DNAH11: variants seen among roughly 807,000 people sequenced by gnomAD.
The protein encoded by DNAH11 is dynein axonemal heavy chain 11.
Under a neutral mutation model 526.0 loss-of-function variants are expected in DNAH11, and 442 were observed. The ratio of observed to expected loss-of-function variants is 0.84; its 90% CI spans 0.78 to 0.91. The LOEUF (loss-of-function observed/expected upper bound fraction) is 0.91. DNAH11 is among the 40% of genes least tolerant of loss of function. The pLI is 0.00. For synonymous variants in DNAH11, 2,461 were observed against 1,935.9 expected, an observed-to-expected ratio of 1.27 and a Z score of -7.12; for missense variants, 6,989 against 5,448.7, an observed-to-expected ratio of 1.28 and a Z score of -8.90.
chr7:21,657,726 C>T (rs575754282), intron 29 of DNAH11, among the ~76,000 whole-genome samples: 2 of 152,112 alleles, frequency 1.3e-5, no homozygotes, highest in African/African-American at 2.4e-5. Flanking sequence ...TGACATAATT[C>T]GGTTAATCTG....
At chr7:21,716,167 C>T (rs572576282) in intron 42 of DNAH11, among the ~76,000 whole-genome samples, 7 of 152,140 alleles carry the variant, frequency 4.6e-5, no homozygotes, top group Admixed American at 4.6e-4. Flanking sequence ...CTGGAAGAAA[C>T]TTTGTTGGAA....
chr7:21,742,641 A>G (rs1487063783), intron 49 of DNAH11, among the ~76,000 whole-genome samples: 4 of 152,214 alleles, frequency 2.6e-5, no homozygotes, highest in African/African-American at 9.6e-5. Flanking sequence ...CATCCAAACC[A>G]TTACCATACT....
In DNAH11 at chr7:21,592,120, A is replaced by T. The variant is rs183471570; in HGVS notation, c.2667+543A>T. On this transcript the variant is annotated intron_variant, in intron 14 of 81. Coordinates refer to ENST00000409508, the MANE Select transcript of DNAH11 (RefSeq NM_001277115.2). Reference sequence around the variant, plus strand: ...CAGGAAAATAAAAGCAAACAACACAATGCTCCCCTGCCAACCACCACCAAA... The same window carrying T: ...CAGGAAAATAAAAGCAAACAACACATTGCTCCCCTGCCAACCACCACCAAA... 2.5e-3 allele frequency among the ~76,000 whole-genome samples: 388 copies of T among 152,232 alleles called. 1 individual carries two copies. Among genetic ancestry groups the T allele is most frequent in the African/African-American group, 9.0e-3 (374 of 41,540 alleles).
intron 61 of DNAH11, among the ~76,000 whole-genome samples, chr7:21,790,242 C>T (rs779087336): frequency 4.6e-5 from 7 of 151,954 alleles, no homozygotes; most frequent in African/African-American, 7.3e-5. Flanking sequence ...ATCAGGAGAT[C>T]GAGACCATCC....
At chr7:21,717,049 A>C (rs1784691664) in intron 42 of DNAH11, among the ~76,000 whole-genome samples, 1 of 152,058 alleles carries the variant, frequency 6.6e-6, no homozygotes, top group East Asian at 1.9e-4. Context: ...GAACTTTCTG[A>C]GGGATTATTT....
chr7:21,588,460 A>T, intron 10 of DNAH11, 52 bp from the exon 11 acceptor site: 1 of 1,605,516 alleles, frequency 6.2e-7, no homozygotes, highest in Non-Finnish European at 8.5e-7. Context: ...GTTGGAAACC[A>T]TTCTGACTAA....
chr7:21,623,388 C>A lies in DNAH11; in HGVS notation c.4500+3310C>A, dbSNP rs552401989. Among the ~76,000 whole-genome samples, 29 of 152,228 alleles carry A rather than the reference C, an allele frequency of 1.9e-4. No individual in the cohort carries two copies. In the South Asian group the frequency reaches 3.5e-3, roughly 19 times the overall value. ...GGTGGGACTGTAAACTAGTTCAACC[C>A]TTGTGGAAGTCAGTGTGGCAATTCC... is the stretch of plus-strand genomic sequence containing the variant. On this transcript the variant is annotated intron_variant, in intron 25 of 81. Coordinates refer to ENST00000409508, the MANE Select transcript of DNAH11 (RefSeq NM_001277115.2).
chr7:21,630,754 G>T (rs567867575), intron 25 of DNAH11, among the ~76,000 whole-genome samples: 1 of 152,202 alleles, frequency 6.6e-6, no homozygotes, highest in South Asian at 2.1e-4. Context: ...ACGATTCTCT[G>T]TGTCCTTGAC....
intron 73 of DNAH11, 151 bp from the exon 74 acceptor site, chr7:21,873,123 T>G: frequency 1.4e-6 from 1 of 710,368 alleles, no homozygotes. Context: ...GATGTATTGA[T>G]AAAGGAAAAT....
chr7:21,612,712 A>G lies in DNAH11; in HGVS notation c.3853-2402A>G, dbSNP rs116622202. ...ACTTTGTGAAGCATGTCTGATTTTT[A>G]TAAAGGCATAGTATGAGAAAGGAAA... On this transcript the variant is annotated intron_variant, in intron 20 of 81. Transcript: ENST00000409508. 5.3e-3 allele frequency among the ~76,000 whole-genome samples: 811 copies of G among 152,310 alleles called. 5 individuals are homozygous for G. The highest frequency in any genetic ancestry group is 0.019 in the African/African-American group (773 of 41,566).
chr7:21,544,129 T>C (rs1366101574), intron 1 of DNAH11, among the ~76,000 whole-genome samples: 2 of 152,172 alleles, frequency 1.3e-5, no homozygotes, highest in African/African-American at 4.8e-5. Flanking sequence ...GAGGGAACAG[T>C]TCCCTCCTTT....
intron 76 of DNAH11, among the ~76,000 whole-genome samples, chr7:21,887,063 T>C (rs910281200): frequency 2.6e-5 from 4 of 152,246 alleles, no homozygotes; most frequent in African/African-American, 9.6e-5. Flanking sequence ...CTGCAGGACA[T>C]CTTTTTGCCA....
chr7:21,640,560 T>G (rs1335739195), intron 28 of DNAH11, among the ~76,000 whole-genome samples: 1 of 150,660 alleles, frequency 6.6e-6, no homozygotes, highest in Non-Finnish European at 1.5e-5. Flanking sequence ...TGTGACTGGT[T>G]TATTGAATAA....
At chr7:21,775,519 G>T (rs1787634010) in intron 56 of DNAH11, among the ~76,000 whole-genome samples, 1 of 151,940 alleles carries the variant, frequency 6.6e-6, no homozygotes, top group Non-Finnish European at 1.5e-5. Context: ...TTGAAAGGCT[G>T]AGGCAGGAGG....
chr7:21,755,437 C>G (rs904444684), intron 54 of DNAH11, among the ~76,000 whole-genome samples: 2 of 152,100 alleles, frequency 1.3e-5, no homozygotes, highest in African/African-American at 2.4e-5. Flanking sequence ...GGGCAAAGGA[C>G]ACTTGATTTA....
At chr7:21,857,373 A>T (rs1782891899) in intron 68 of DNAH11, among the ~76,000 whole-genome samples, 1 of 152,202 alleles carries the variant, frequency 6.6e-6, no homozygotes, top group African/African-American at 2.4e-5. Flanking sequence ...CAATATTGTT[A>T]AGATGTCAGT....
chr7:21,832,868 T>C (rs1009507184), intron 65 of DNAH11, among the ~76,000 whole-genome samples: 1 of 152,198 alleles, frequency 6.6e-6, no homozygotes, highest in East Asian at 1.9e-4. Context: ...TCTGATCCTT[T>C]TACAGGAAAA....
Position 21,591,523 on chromosome 7 carries a change from A to T in DNAH11, c.2613A>T (p.Thr871=), listed in dbSNP as rs771205044. The stretch of plus-strand genomic sequence containing the variant: ...TGGAGGACAAGGGTGATTTGTTTAC[A>T]AAAAAATACAAGTTAATCCAAGGAG... ...FTLEDKGDLF[T]KKYKLIQGDG... The change falls in exon 14 of 82, where the codon ACA becomes ACT. Residue 871 remains threonine (T), a synonymous_variant. Transcript: ENST00000409508. 1.4e-5 allele frequency: 22 copies of T among 1,596,684 alleles called. No homozygotes were observed. In the South Asian group the frequency reaches 2.3e-4, roughly 17 times the overall value.
At chr7:21,875,227 C>A (rs1237202549) in intron 74 of DNAH11, among the ~76,000 whole-genome samples, 1 of 152,066 alleles carries the variant, frequency 6.6e-6, no homozygotes. Flanking sequence ...TTTTAATCAT[C>A]TCTTAATTTA....
Sources: gnomAD v4.1 joint callset for allele counts (sites outside exome capture counted in the v4.1 genomes callset) on GRCh38, gnomAD v4.1.1 for gene constraint, MANE v1.5 for transcripts, NCBI Gene and HGNC (gene_info 2026-07-23, HGNC 2026-07-21) for gene names.